BNC1: variants seen among roughly 807,000 people sequenced by gnomAD.
BNC1 encodes the protein zinc finger protein basonuclin-1.
BNC1 carries 8 observed loss-of-function variants against 66.5 expected under a neutral mutation model. That is an observed-to-expected ratio of 0.12 (90% CI 0.07 to 0.22). BNC1 has a LOEUF of 0.22. BNC1 is among the 10% of genes least tolerant of loss of function. BNC1 has a pLI of 1.00. For synonymous variants in BNC1, 454 were observed against 452.6 expected, an observed-to-expected ratio of 1.00 and a Z score of -0.04; for missense variants, 1,069 against 1,241.3, an observed-to-expected ratio of 0.86 and a Z score of 2.09.
At position 83,264,532 on chromosome 15, in the gene BNC1, A is replaced by G. The variant is rs755511439; in HGVS notation, c.719T>C (p.Met240Thr). 9.3e-6 allele frequency: 15 copies of G among 1,614,040 alleles called. No homozygotes were observed. Among genetic ancestry groups the G allele is most frequent in the Non-Finnish European group, 1.3e-5 (15 of 1,180,008 alleles). The change falls in exon 4 of 5, where the codon ATG (methionine) becomes ACG (threonine). Residue 240 changes from methionine to threonine, a missense_variant. By Grantham distance (81) the Met-to-Thr change is moderately conservative. Transcript: ENST00000345382. ...IHPFENLISN[M>T]TFMLPFQFFN... is the part of the protein sequence containing the mutation. ...GAACTGGAAAGGCAGCATGAAAGTC[A>G]TGTTGCTTATGAGGTTCTCAAAGGG...
chr15:83,271,803 CAG>C (rs2038271888), intron 1 of BNC1, among the ~76,000 whole-genome samples: 1 of 152,142 alleles, frequency 6.6e-6, no homozygotes, highest in Non-Finnish European at 1.5e-5. Flanking sequence ...TTTTTGGTTA[CAG>C]AGTTTCTACT....
intron 1 of BNC1, among the ~76,000 whole-genome samples, chr15:83,282,974 CTGG>C (rs2038395100): frequency 6.6e-6 from 1 of 152,138 alleles, no homozygotes; most frequent in Non-Finnish European, 1.5e-5. Context: ...GACCAGGCGT[CTGG>C]GCCGCTTTAA....
chr15:83,258,224 T>C (rs1368706898), intron 4 of BNC1, 98 bp from the exon 5 acceptor site: 4 of 1,278,256 alleles, frequency 3.1e-6, no homozygotes, highest in Non-Finnish European at 4.3e-6. Flanking sequence ...GAAAAACATG[T>C]GGTATGGGAG....
chr15:83,284,584 C>T lies in BNC1; in HGVS notation c.45G>A (p.Arg15=). 1.9e-6 allele frequency: 2 copies of T among 1,041,712 alleles called. No individual in the cohort carries two copies. Among genetic ancestry groups the T allele is most frequent in the Non-Finnish European group, 2.3e-6 (2 of 868,486 alleles). The allele number at this position is 1,041,712 out of a possible 1,614,324, so 64.5% of individuals were successfully genotyped here. ...PPSRGGRGAA[R]ARETRRQPRH... is the part of the protein sequence containing the mutation. ...GGGGCTGCCGGCGCGTCTCCCGGGC[C>T]CGGGCCGCCCCGCGTCCGCCCCGGC... The change falls in exon 1 of 5, where the codon CGG becomes CGA. Residue 15 remains arginine (R), a synonymous_variant. Coordinates refer to ENST00000345382, the MANE Select transcript of BNC1 (RefSeq NM_001717.4).
At chr15:83,283,064 T>C in intron 1 of BNC1, 1 of 1,477,584 alleles carries the variant, frequency 6.8e-7, no homozygotes, top group Non-Finnish European at 9.1e-7. Context: ...GAGCGTCTGA[T>C]GCCCCCCGCC....
At position 83,264,291 on chromosome 15, in the gene BNC1, T is replaced by C; in HGVS notation, c.960A>G (p.Leu320=). The change falls in exon 4 of 5, where the codon TTA becomes TTG. Residue 320 remains leucine, a synonymous_variant. Transcript: ENST00000345382. ...AITKKEDSTH[L]SDSSSYNIVT... ...CAATGTTGTATGAGCTGGAGTCACT[T>C]AAATGGGTGCTGTCTTCTTTTTTAG... 2 of 1,614,132 alleles carry C rather than the reference T, an allele frequency of 1.2e-6. No individual in the cohort carries two copies. Among genetic ancestry groups the C allele is most frequent in the East Asian group, 4.5e-5 (2 of 44,888 alleles).
chr15:83,273,945 C>T (rs1460849219), intron 1 of BNC1, among the ~76,000 whole-genome samples: 3 of 152,162 alleles, frequency 2.0e-5, no homozygotes, highest in Admixed American at 6.5e-5. Flanking sequence ...GTTTTCATCT[C>T]TAGTATGTGC....
chr15:83,283,253 A>C, intron 1 of BNC1: 1 of 1,535,298 alleles, frequency 6.5e-7, no homozygotes, highest in Non-Finnish European at 8.7e-7. Flanking sequence ...GATTAATATC[A>C]GATCTCCTTC....
intron 1 of BNC1, among the ~76,000 whole-genome samples, chr15:83,273,922 T>A (rs1008623772): frequency 5.3e-5 from 8 of 152,152 alleles, no homozygotes; most frequent in Non-Finnish European, 1.2e-4. Flanking sequence ...TAAAAACTGT[T>A]TAGTTCAAGG....
At chr15:83,262,660 C>T (rs1175938651) in intron 4 of BNC1, among the ~76,000 whole-genome samples, 1 of 152,022 alleles carries the variant, frequency 6.6e-6, no homozygotes, top group East Asian at 1.9e-4. Flanking sequence ...ACTGTAGCCC[C>T]CAGAATAGTA....
At chr15:83,277,650 A>T (rs1175958215) in intron 1 of BNC1, among the ~76,000 whole-genome samples, 4 of 152,006 alleles carry the variant, frequency 2.6e-5, no homozygotes, top group Admixed American at 6.6e-5. Context: ...GAATATAGAT[A>T]ATTGTTGCTA....
intron 1 of BNC1, among the ~76,000 whole-genome samples, chr15:83,281,114 T>C (rs1027110974): frequency 1.3e-5 from 2 of 152,194 alleles, no homozygotes; most frequent in Admixed American, 6.5e-5. Flanking sequence ...GTTCTCTGTT[T>C]ATACCCACCC....
rs1381668287 is a variant in BNC1, at chr15:83,275,484, T to G, written c.100-7252A>C. Among the ~76,000 whole-genome samples, 4 of 115,908 alleles carry G rather than the reference T, an allele frequency of 3.5e-5. No homozygotes were observed. In the East Asian group the frequency reaches 9.1e-4, roughly 26 times the overall value. The allele number at this position is 115,908 out of a possible 152,430, so 76.0% of individuals were successfully genotyped here. A position where few individuals can be genotyped will look rare whatever the true frequency, so the allele number is the denominator to read the frequency against. On this transcript the variant is annotated intron_variant, in intron 1 of 4. Coordinates refer to ENST00000345382, the MANE Select transcript of BNC1 (RefSeq NM_001717.4). ...GCACTCCAGCCTGGGCGACAGAGAC[T>G]CCATCTCAAAAAAAAAAAAAAAAAA... is the stretch of plus-strand genomic sequence containing the variant.
At chr15:83,281,268 A>G (rs1328666551) in intron 1 of BNC1, among the ~76,000 whole-genome samples, 1 of 152,250 alleles carries the variant, frequency 6.6e-6, no homozygotes, top group Non-Finnish European at 1.5e-5. Flanking sequence ...TTTAAAAGGA[A>G]AAAGAAATGC....
In BNC1 at chr15:83,264,566, T is replaced by C. The variant is rs1168233074; in HGVS notation, c.685A>G (p.Ser229Gly). The C allele has an allele frequency of 6.2e-7, 1 of 1,614,146 alleles. No homozygotes were observed. The highest frequency in any genetic ancestry group is 1.7e-5 in the Admixed American group (1 of 60,030). The change falls in exon 4 of 5, where the codon AGT (serine) becomes GGT (glycine). Residue 229 changes from serine to glycine, a missense_variant. By Grantham distance (56) the Ser-to-Gly change is moderately conservative. Around this residue, in one of 7 missense-constraint regions of BNC1, gnomAD observed 181 missense variants for 181.5 expected, o/e 1.00. Transcript: ENST00000345382. ...ATGAGGTTCTCAAAGGGGTGTATAC[T>C]GCTGGGGTTTCCTTTGTCCACAGGA... ...PTPVDKGNPS[S>G]IHPFENLISN... is the part of the protein sequence containing the mutation.
At position 83,268,093 on chromosome 15, in the gene BNC1, G is replaced by T. The variant is rs201822586; in HGVS notation, c.199+40C>A. On this transcript the variant is annotated intron_variant, in intron 2 of 4. Transcript: ENST00000345382. Reference sequence around the variant, plus strand: ...CTGAATAACTCTAAGTTACTTAGAGGTAACACTACAGGCCAAGAGAGGGTG... The same window carrying T: ...CTGAATAACTCTAAGTTACTTAGAGTTAACACTACAGGCCAAGAGAGGGTG... 113 of 1,520,622 alleles carry T rather than the reference G, an allele frequency of 7.4e-5. No individual in the cohort carries two copies. In the African/African-American group the frequency reaches 1.4e-3, roughly 19 times the overall value. 94.2% of individuals were successfully genotyped at this position (1,520,622 alleles called of 1,614,324 possible).
In BNC1 at chr15:83,271,036, G is replaced by A. The variant is rs375488632; in HGVS notation, c.100-2804C>T. On this transcript the variant is annotated intron_variant, in intron 1 of 4. Coordinates refer to ENST00000345382, the MANE Select transcript of BNC1 (RefSeq NM_001717.4). ...CACGCCTGTAATCCTAGCATTCTGG[G>A]AGGCCGAGGTGGGCAGATCACCTGA... 7.9e-5 allele frequency among the ~76,000 whole-genome samples: 12 copies of A among 152,266 alleles called. No homozygotes were observed. The East Asian group carries it at 1.4e-3, about 17-fold the overall frequency.
Position 83,263,125 on chromosome 15 carries a change from T to C in BNC1, c.2126A>G (p.His709Arg). 2 of 1,614,222 alleles carry C rather than the reference T, an allele frequency of 1.2e-6. No homozygotes were observed. The highest frequency in any genetic ancestry group is 1.7e-6 in the Non-Finnish European group (2 of 1,180,030). ...DSKELEHVGQ[H>R]ALARQIEENR... ...TTCTTCTATCTGCCTTGCTAATGCA[T>C]GCTGACCCACGTGCTCCAGTTCTTT... is the stretch of plus-strand genomic sequence containing the variant. The change falls in exon 4 of 5, where the codon CAT becomes CGT. Residue 709 changes from histidine (H) to arginine (R), a missense_variant. Physicochemically the swap from His to Arg is conservative, Grantham distance 29. Around this residue, in one of 7 missense-constraint regions of BNC1, gnomAD observed 657 missense variants for 715.8 expected, o/e 0.92. Coordinates refer to ENST00000345382, the MANE Select transcript of BNC1 (RefSeq NM_001717.4).
intron 1 of BNC1, chr15:83,283,034 G>C (rs946895416): frequency 1.8e-5 from 24 of 1,365,546 alleles, no homozygotes; most frequent in Non-Finnish European, 2.4e-5. Context: ...CATAAAACCA[G>C]GGGACGTTAC....
Sources: gnomAD v4.1 joint callset for allele counts (sites outside exome capture counted in the v4.1 genomes callset) on GRCh38, gnomAD v4.1.1 for gene constraint, gnomAD v4.1.1 regional missense constraint, MANE v1.5 for transcripts, NCBI Gene and HGNC (gene_info 2026-07-23, HGNC 2026-07-21) for gene names.